BCAS3: variants seen among roughly 807,000 people sequenced by gnomAD.
BCAS3 encodes the protein BCAS3 microtubule associated cell migration factor.
A neutral mutation model predicts 116.1 loss-of-function variants in BCAS3; 53 were observed. That is an observed-to-expected ratio of 0.46 (90% CI 0.37 to 0.57). The LOEUF (loss-of-function observed/expected upper bound fraction) is 0.57, where lower values mean the gene tolerates loss of function less well. BCAS3 is among the 20% of genes least tolerant of loss of function. BCAS3 has a pLI of 0.00. For missense variants in BCAS3, 917 were observed against 1,165.4 expected (o/e 0.79, Z 3.10); for synonymous variants, 391 against 408.2 (o/e 0.96, Z 0.51).
At position 61,198,860 on chromosome 17, in the gene BCAS3, C is replaced by T. The variant is rs768096923; in HGVS notation, c.2425+114296C>T. 8.5e-5 allele frequency among the ~76,000 whole-genome samples: 13 copies of T among 152,072 alleles called. No homozygotes were observed. The highest frequency in any genetic ancestry group is 1.5e-4 in the Non-Finnish European group (10 of 68,018). ...CTTAGATTGATGTGGATTGGTTTAA[C>T]GTAATTGGAAGTTTGAAAGGTACAT... is the stretch of plus-strand genomic sequence containing the variant. On this transcript the variant is annotated intron_variant, in intron 22 of 23. Coordinates refer to ENST00000407086, the MANE Select transcript of BCAS3 (RefSeq NM_017679.5). This position sits in a 1 kb window ranked among gnomAD's most constrained non-coding sequence, Gnocchi z 5.0.
Position 61,156,119 on chromosome 17 carries a change from T to C in BCAS3, c.2425+71555T>C, listed in dbSNP as rs920990079. ...CTATCAGCAAATAATTTACTCGGTA[T>C]GCACCACAAACAAACGCAGAGAGAC... is the stretch of plus-strand genomic sequence containing the variant. On this transcript the variant is annotated intron_variant, in intron 22 of 23. Coordinates refer to ENST00000407086, the MANE Select transcript of BCAS3 (RefSeq NM_017679.5). The surrounding 1 kb of genome is among the most constrained non-coding windows in gnomAD (Gnocchi z 4.7). 6.6e-6 allele frequency among the ~76,000 whole-genome samples: 1 copy of C among 150,726 alleles called. No homozygotes were observed. The highest frequency in any genetic ancestry group is 6.6e-5 in the Admixed American group (1 of 15,102).
intron 22 of BCAS3, among the ~76,000 whole-genome samples, chr17:61,223,151 CTTTTTTTTTT>C (rs34499099): frequency 1.3e-5 from 1 of 79,064 alleles, no homozygotes; most frequent in Non-Finnish European, 2.2e-5. Context: ...GATGCAGCGC[CTTTTTTTTTT>C]TTTTTTTTTT....
At chr17:60,946,966 T>G (rs2060534476) in intron 13 of BCAS3, among the ~76,000 whole-genome samples, 2 of 152,134 alleles carry the variant, frequency 1.3e-5, no homozygotes. Context: ...ATCAAACTTC[T>G]CTCTGCTAGT....
At chr17:61,290,888 C>T (rs1285957191) in intron 22 of BCAS3, among the ~76,000 whole-genome samples, 3 of 152,142 alleles carry the variant, frequency 2.0e-5, no homozygotes, top group African/African-American at 7.2e-5. Context: ...TCATGCCATT[C>T]TCCTGCCTCA....
intron 13 of BCAS3, among the ~76,000 whole-genome samples, chr17:60,944,138 CAG>C (rs2060362787): frequency 6.6e-6 from 1 of 151,470 alleles, no homozygotes; most frequent in South Asian, 2.1e-4. Flanking sequence ...AATATAGTAA[CAG>C]AAATCAGTGA....
chr17:60,691,406 CCTCTCT>C (rs138400928), intron 4 of BCAS3, among the ~76,000 whole-genome samples: 5 of 148,546 alleles, frequency 3.4e-5, no homozygotes, highest in South Asian at 4.3e-4. Flanking sequence ...TTGTTAGTTT[CCTCTCT>C]CTCTCTCTCT....
At chr17:60,700,405 A>T (rs2036238634) in intron 4 of BCAS3, among the ~76,000 whole-genome samples, 1 of 152,160 alleles carries the variant, frequency 6.6e-6, no homozygotes, top group South Asian at 2.1e-4. Context: ...GATGCTTTTC[A>T]CCAAAATAAG....
Position 61,222,578 on chromosome 17 carries a change from C to A in BCAS3, c.2425+138014C>A, listed in dbSNP as rs1000065376. On this transcript the variant is annotated intron_variant, in intron 22 of 23. Coordinates refer to ENST00000407086, the MANE Select transcript of BCAS3 (RefSeq NM_017679.5). This position sits in a 1 kb window ranked among gnomAD's most constrained non-coding sequence, Gnocchi z 6.1. ...CATTTTTCTGTGAAATCTCAGGCTC[C>A]TGCCTCATGTCTCTGTAGCTTAGTA... Among the ~76,000 whole-genome samples, 1 of 152,066 alleles carries A rather than the reference C, an allele frequency of 6.6e-6. No homozygotes were observed. The highest frequency in any genetic ancestry group is 1.5e-5 in the Non-Finnish European group (1 of 68,016).
rs143541906 is a variant in BCAS3, at chr17:61,344,916, T to TACACACAC, written c.2426-23401_2426-23394dup. On this transcript the variant is annotated intron_variant, in intron 22 of 23. Transcript: ENST00000407086. The surrounding 1 kb of genome is among the most constrained non-coding windows in gnomAD (Gnocchi z 4.1). The stretch of plus-strand genomic sequence containing the variant: ...TATTTTATGATTCCTGGATCGGAAA[T>TACACACAC]ACACACACACACACACATACACACA... Among the ~76,000 whole-genome samples, 1 of 149,966 alleles carries TACACACAC rather than the reference T, an allele frequency of 6.7e-6. No homozygotes were observed. The highest frequency in any genetic ancestry group is 6.7e-5 in the Admixed American group (1 of 15,020).
In BCAS3 at chr17:61,165,404, A is replaced by T. The variant is rs193174883; in HGVS notation, c.2425+80840A>T. 4.6e-3 allele frequency among the ~76,000 whole-genome samples: 697 copies of T among 152,278 alleles called. 2 individuals carry two copies. Among genetic ancestry groups the T allele is most frequent in the Non-Finnish European group, 6.8e-3 (464 of 68,008 alleles). On this transcript the variant is annotated intron_variant, in intron 22 of 23. Transcript: ENST00000407086. ...TTTAAAAGTTATTCTACTTTTTTTT[A>T]AAAAAGTTTTAGGCTGGGCGCAGTG...
In BCAS3 at chr17:61,128,137, T is replaced by C. The variant is rs1312268225; in HGVS notation, c.2425+43573T>C. The C allele has an allele frequency of 3.1e-6, 3 of 971,336 alleles. No homozygotes were observed. In the African/African-American group the frequency reaches 5.3e-5, roughly 17 times the overall value. The allele number at this position is 971,336 out of a possible 1,614,324, so 60.2% of individuals were successfully genotyped here. On this transcript the variant is annotated intron_variant, in intron 22 of 23. Coordinates refer to ENST00000407086, the MANE Select transcript of BCAS3 (RefSeq NM_017679.5). The surrounding 1 kb of genome is among the most constrained non-coding windows in gnomAD (Gnocchi z 4.1). The stretch of plus-strand genomic sequence containing the variant: ...GAACCCATTCATTTTAGAGATTCCT[T>C]GATACTGTAAACCTGACAACTCAAT...
In BCAS3 at chr17:61,098,556, G is replaced by A. The variant is rs1898122843; in HGVS notation, c.2425+13992G>A. Among the ~76,000 whole-genome samples, 1 of 152,082 alleles carries A rather than the reference G, an allele frequency of 6.6e-6. No individual in the cohort carries two copies. Among genetic ancestry groups the A allele is most frequent in the Non-Finnish European group, 1.5e-5 (1 of 68,010 alleles). ...AATACCTCAATTTGAAGTGAGGCTT[G>A]GCTTTAAATAATAACACATTTGAGT... On this transcript the variant is annotated intron_variant, in intron 22 of 23. Coordinates refer to ENST00000407086, the MANE Select transcript of BCAS3 (RefSeq NM_017679.5). This position sits in a 1 kb window ranked among gnomAD's most constrained non-coding sequence, Gnocchi z 4.2.
intron 22 of BCAS3, among the ~76,000 whole-genome samples, chr17:61,321,124 C>A (rs1555827304): frequency 5.3e-5 from 8 of 151,514 alleles, no homozygotes; most frequent in Non-Finnish European, 1.2e-4. Flanking sequence ...TTTTGGCCTT[C>A]TTTTTTTTTC....
chr17:61,078,592 C>T, intron 21 of BCAS3, 63 bp downstream of exon 21: 3 of 1,388,840 alleles, frequency 2.2e-6, no homozygotes, highest in Non-Finnish European at 3.0e-6. Flanking sequence ...GTGAAATGAG[C>T]ATCATATGTA....
chr17:61,057,312 A>C (rs899057563), intron 19 of BCAS3, among the ~76,000 whole-genome samples: 1 of 152,102 alleles, frequency 6.6e-6, no homozygotes, highest in African/African-American at 2.4e-5. Context: ...TTGCACCTCT[A>C]TTTGTCCATC....
rs910094961 is a variant in BCAS3, at chr17:61,293,000, G to A, written c.2426-75327G>A. Among the ~76,000 whole-genome samples the A allele has an allele frequency of 2.6e-5, 4 of 152,232 alleles. No homozygotes were observed. In the East Asian group the frequency reaches 5.8e-4, roughly 22 times the overall value. ...GCCAGAAGAAGGTTATTTATGGGGG[G>A]TTATTCTTGACAAGTGTATCATTTG... On this transcript the variant is annotated intron_variant, in intron 22 of 23. Coordinates refer to ENST00000407086, the MANE Select transcript of BCAS3 (RefSeq NM_017679.5).
At chr17:61,254,794 T>TAAAAAA in intron 22 of BCAS3, among the ~76,000 whole-genome samples, 1 of 35,394 alleles carries the variant, frequency 2.8e-5, no homozygotes, top group African/African-American at 9.2e-5. Context: ...AAAAAAGGAT[T>TAAAAAA]AGAAAATTTA....
At position 61,227,094 on chromosome 17, in the gene BCAS3, T is replaced by A. The variant is rs990225715; in HGVS notation, c.2426-141233T>A. 2.0e-5 allele frequency among the ~76,000 whole-genome samples: 3 copies of A among 152,206 alleles called. No homozygotes were observed. Among genetic ancestry groups the A allele is most frequent in the Admixed American group, 6.5e-5 (1 of 15,282 alleles). ...CCCCTTTCCCATAGGTTATGGTTAC[T>A]CCATAGTTAAGCTGATGTTACGCGG... On this transcript the variant is annotated intron_variant, in intron 22 of 23. Coordinates refer to ENST00000407086, the MANE Select transcript of BCAS3 (RefSeq NM_017679.5). The surrounding 1 kb of genome is among the most constrained non-coding windows in gnomAD (Gnocchi z 6.1).
Position 61,224,568 on chromosome 17 carries a change from T to C in BCAS3, c.2425+140004T>C, listed in dbSNP as rs1752062406. ...GAAATAAGACTATACAGTGTAGTCC[T>C]TTGAATACTTTGCAGTGTTTCATAT... On this transcript the variant is annotated intron_variant, in intron 22 of 23. Coordinates refer to ENST00000407086, the MANE Select transcript of BCAS3 (RefSeq NM_017679.5). This position sits in a 1 kb window ranked among gnomAD's most constrained non-coding sequence, Gnocchi z 5.7. Among the ~76,000 whole-genome samples the C allele has an allele frequency of 6.6e-6, 1 of 152,216 alleles. No homozygotes were observed. The highest frequency in any genetic ancestry group is 6.5e-5 in the Admixed American group (1 of 15,276).
Sources: allele counts gnomAD v4.1 joint callset (sites outside exome capture counted in the v4.1 genomes callset), GRCh38; gene constraint gnomAD v4.1.1; non-coding constraint Gnocchi (gnomAD v3.1); transcripts MANE v1.5; gene names NCBI Gene and HGNC (gene_info 2026-07-23, HGNC 2026-07-21).